The following FAM135B variants were observed in gnomAD, a reference collection of about 807,000 sequenced individuals.
The protein encoded by FAM135B is protein FAM135B.
FAM135B carries 43 observed loss-of-function variants against 127.7 expected under a neutral mutation model. The observed-to-expected ratio is 0.34, with a 90% CI of 0.26 to 0.43. FAM135B has a LOEUF of 0.43. Among genes scored for constraint, FAM135B ranks in the 20% least tolerant of loss-of-function variants. The pLI, the probability that FAM135B is intolerant of heterozygous loss-of-function variation, is 1.00. For missense variants in FAM135B, 1,558 were observed against 1,725.6 expected, an observed-to-expected ratio of 0.90 and a Z score of 1.72; for synonymous variants, 670 against 665.1, an observed-to-expected ratio of 1.01 and a Z score of -0.11.
chr8:138,159,191 G>C (rs1819094549), intron 12 of FAM135B, among the ~76,000 whole-genome samples: 1 of 142,998 alleles, frequency 7.0e-6, no homozygotes, highest in Non-Finnish European at 1.5e-5. Flanking sequence ...AGAATGGCGT[G>C]AACCCGGGAA....
intron 3 of FAM135B, among the ~76,000 whole-genome samples, chr8:138,310,602 C>A (rs920399048): frequency 4.6e-5 from 7 of 152,224 alleles, no homozygotes; most frequent in African/African-American, 1.4e-4. Context: ...CAGTTTATCT[C>A]CAAATACTGG....
chr8:138,146,677 A>G (rs1817682809), intron 14 of FAM135B, among the ~76,000 whole-genome samples: 2 of 152,160 alleles, frequency 1.3e-5, no homozygotes, highest in South Asian at 4.1e-4. Context: ...CAGGAAATGC[A>G]TTCCCAAAAT....
chr8:138,224,764 T>G (rs956665161), intron 7 of FAM135B, among the ~76,000 whole-genome samples: 3 of 152,126 alleles, frequency 2.0e-5, no homozygotes, highest in African/African-American at 7.2e-5. Context: ...GATGGGACCC[T>G]CATGATGAGG....
chr8:138,472,263 G>T (rs1055041359), intron 1 of FAM135B, among the ~76,000 whole-genome samples: 1 of 152,104 alleles, frequency 6.6e-6, no homozygotes, highest in Admixed American at 6.6e-5. Flanking sequence ...CTACAATAGA[G>T]GAAGAGGTTG....
chr8:138,222,642 TTTTG>T (rs1306891619), intron 7 of FAM135B, among the ~76,000 whole-genome samples: 1 of 151,590 alleles, frequency 6.6e-6, no homozygotes, highest in African/African-American at 2.4e-5. Context: ...TGGTGGGGTT[TTTTG>T]TTTGTTTGTT....
chr8:138,182,895 T>C (rs1165111058), intron 9 of FAM135B, among the ~76,000 whole-genome samples: 1 of 152,202 alleles, frequency 6.6e-6, no homozygotes, highest in Admixed American at 6.5e-5. Flanking sequence ...CATTAAACCT[T>C]TGTAAAGTTT....
intron 1 of FAM135B, among the ~76,000 whole-genome samples, chr8:138,447,809 AT>A (rs1406338328): frequency 1.1e-5 from 1 of 91,716 alleles, no homozygotes; most frequent in African/African-American, 6.8e-5. Flanking sequence ...AAGTATAATA[AT>A]AAAAAAAAAA....
chr8:138,418,020 GT>G (rs1834265362), intron 1 of FAM135B, among the ~76,000 whole-genome samples: 1 of 152,082 alleles, frequency 6.6e-6, no homozygotes, highest in South Asian at 2.1e-4. Context: ...TCAGGAGAAA[GT>G]TGAAACCCAA....
intron 3 of FAM135B, among the ~76,000 whole-genome samples, chr8:138,298,183 G>C (rs1825613156): frequency 6.6e-6 from 1 of 152,082 alleles, no homozygotes; most frequent in Admixed American, 6.6e-5. Flanking sequence ...ATAACTCCTG[G>C]CATGTAAACA....
At position 138,359,157 on chromosome 8, in the gene FAM135B, T is replaced by A. The variant is rs547608476; in HGVS notation, c.77+8750A>T. On this transcript the variant is annotated intron_variant, in intron 2 of 19. Coordinates refer to ENST00000395297, the MANE Select transcript of FAM135B (RefSeq NM_015912.4). ...TATTCACTCATCATAGGAACAATGA[T>A]AATAATGTCATTGTATGAAAGGGGG... is the stretch of plus-strand genomic sequence containing the variant. Among the ~76,000 whole-genome samples, 3 of 152,270 alleles carry A rather than the reference T, an allele frequency of 2.0e-5. No homozygotes were observed. In the South Asian group the frequency reaches 6.2e-4, roughly 32 times the overall value.
At position 138,192,733 on chromosome 8, in the gene FAM135B, C is replaced by A. The variant is rs1336636383; in HGVS notation, c.873+2525G>T. Among the ~76,000 whole-genome samples, 7 of 152,272 alleles carry A rather than the reference C, an allele frequency of 4.6e-5. No individual in the cohort carries two copies. The East Asian group carries it at 1.4e-3, about 29-fold the overall frequency. On this transcript the variant is annotated intron_variant, in intron 9 of 19. Transcript: ENST00000395297. ...GCAAATTATTCTTAAAAACTCAGAT[C>A]CCCAAATGCCTGGGGAGACTGATTT...
At chr8:138,143,143 G>T (rs768636301) in intron 15 of FAM135B, 34 bp from the exon 16 acceptor site, 4 of 1,229,058 alleles carry the variant, frequency 3.3e-6, no homozygotes, top group Non-Finnish European at 4.8e-6. Flanking sequence ...TGTTGGGTAT[G>T]GTTGTGGCGG....
Position 138,243,126 on chromosome 8 carries a change from T to C in FAM135B, c.543-58A>G, listed in dbSNP as rs2130389653. 1.3e-6 allele frequency: 2 copies of C among 1,563,150 alleles called. No individual in the cohort carries two copies. Among genetic ancestry groups the C allele is most frequent in the South Asian group, 2.5e-5 (2 of 81,410 alleles). On this transcript the variant is annotated intron_variant, in intron 6 of 19. Transcript: ENST00000395297. The surrounding 1 kb of genome is among the most constrained non-coding windows in gnomAD (Gnocchi z 7.5). ...GAGGTAAAGAAAGTGATGGTGCCAT[T>C]AACTCAGCCCCTTTGAGGAGTGTTC...
chr8:138,178,862 C>A (rs1003065418), intron 9 of FAM135B, among the ~76,000 whole-genome samples, 172 bp from the exon 10 acceptor site: 1 of 152,098 alleles, frequency 6.6e-6, no homozygotes. Flanking sequence ...CATGTTATCA[C>A]GTTTGATCTG....
chr8:138,384,933 T>C (rs1450139429), intron 1 of FAM135B, among the ~76,000 whole-genome samples: 1 of 152,104 alleles, frequency 6.6e-6, no homozygotes, highest in African/African-American at 2.4e-5. Flanking sequence ...AATCATGTCA[T>C]CCTCCAGCGA....
chr8:138,355,843 A>C (rs1327515912), intron 2 of FAM135B, among the ~76,000 whole-genome samples: 3 of 152,148 alleles, frequency 2.0e-5, no homozygotes, highest in African/African-American at 7.2e-5. Flanking sequence ...CAAAATATGC[A>C]CTGTGGCACT....
chr8:138,175,554 A>G (rs764055607), intron 11 of FAM135B, among the ~76,000 whole-genome samples: 53 of 152,340 alleles, frequency 3.5e-4, no homozygotes, highest in Non-Finnish European at 6.3e-4. Flanking sequence ...CTAACTGTGC[A>G]CATCTCTTCC....
At chr8:138,383,386 G>C (rs932334930) in intron 1 of FAM135B, among the ~76,000 whole-genome samples, 1 of 152,214 alleles carries the variant, frequency 6.6e-6, no homozygotes, top group Non-Finnish European at 1.5e-5. Flanking sequence ...AAAGGTTAGC[G>C]ATTAAGGATA....
chr8:138,304,765 A>G (rs1043605494), intron 3 of FAM135B, among the ~76,000 whole-genome samples: 20 of 152,212 alleles, frequency 1.3e-4, no homozygotes, highest in Admixed American at 2.6e-4. Flanking sequence ...GCTTGGCCCA[A>G]AGGAAGTGGG....
Sources: gnomAD v4.1 joint callset for allele counts (sites outside exome capture counted in the v4.1 genomes callset) on GRCh38, gnomAD v4.1.1 for gene constraint, Gnocchi (gnomAD v3.1) non-coding constraint, MANE v1.5 for transcripts, NCBI Gene and HGNC (gene_info 2026-07-23, HGNC 2026-07-21) for gene names.